FMO5: variants seen among roughly 807,000 people sequenced by gnomAD.
FMO5 encodes the protein flavin-containing monooxygenase 5.
FMO5 carries 51 observed loss-of-function variants against 43.6 expected under a neutral mutation model. The observed-to-expected ratio is 1.17, with a 90% confidence interval of 0.93 to 1.48. The LOEUF is 1.48. Among genes scored for constraint, FMO5 ranks in the 40% most tolerant of loss-of-function variants. The pLI, the probability that FMO5 is intolerant of heterozygous loss-of-function variation, is 0.00. For missense variants in FMO5, 644 were observed against 643.0 expected (o/e 1.00, Z -0.02); for synonymous variants, 187 against 216.5 (o/e 0.86, Z 1.20).
At chr1:147,205,269 C>G (rs187772679) in intron 6 of FMO5, among the ~76,000 whole-genome samples, 2 of 151,972 alleles carry the variant, frequency 1.3e-5, no homozygotes, top group African/African-American at 4.8e-5. Flanking sequence ...CAAATGTCAC[C>G]CCACTGATTA....
intron 6 of FMO5, among the ~76,000 whole-genome samples, chr1:147,206,657 G>A (rs148149685): frequency 0.038 from 5,773 of 152,076 alleles, 154 homozygotes; most frequent in South Asian, 0.096. Flanking sequence ...GCAAACTATC[G>A]CAAGGACAAA....
At chr1:147,192,987 C>G (rs1417072377) in intron 7 of FMO5, among the ~76,000 whole-genome samples, 3 of 152,126 alleles carry the variant, frequency 2.0e-5, no homozygotes, top group Non-Finnish European at 2.9e-5. Context: ...TGTTGTGTCT[C>G]TGCCAGGCTT....
In FMO5 at chr1:147,213,471, C is replaced by T; in HGVS notation, c.325-1G>A. On this transcript the variant is annotated splice_acceptor_variant, in intron 3 of 8. Coordinates refer to ENST00000254090, the MANE Select transcript of FMO5 (RefSeq NM_001461.4). LOFTEE classifies it high-confidence loss of function. ...GCTTCTTCACACTGCACACAGTGGT[C>T]TGAAAAGAAAAGTGATAACCACAGG... is the stretch of plus-strand genomic sequence containing the variant. 3 of 1,597,696 alleles carry T rather than the reference C, an allele frequency of 1.9e-6. No individual in the cohort carries two copies. Among genetic ancestry groups the T allele is most frequent in the Non-Finnish European group, 2.6e-6 (3 of 1,172,224 alleles).
At chr1:147,203,155 C>A in intron 6 of FMO5, 2 of 505,514 alleles carry the variant, frequency 4.0e-6, no homozygotes, top group Non-Finnish European at 6.9e-6. Flanking sequence ...ATTATAACAT[C>A]CAGCCAAGAA....
rs1214048942 is a variant in FMO5 at position 147,204,936 on chromosome 1, C to A, written c.831-3432G>T. On this transcript the variant is annotated intron_variant, in intron 6 of 8. Transcript: ENST00000254090. ...CCTTGGGAACTTGAAGCGCCATGGC[C>A]AGCCTGCAGGAAGCCGTTCACGTGA... is the stretch of plus-strand genomic sequence containing the variant. 5.8e-6 allele frequency: 9 copies of A among 1,548,466 alleles called. No individual in the cohort carries two copies. The African/African-American group carries it at 1.2e-4, about 21-fold the overall frequency.
At chr1:147,204,690 A>G in intron 6 of FMO5, 1 of 1,561,982 alleles carries the variant, frequency 6.4e-7, no homozygotes, top group African/African-American at 1.3e-5. Context: ...TTTTTGCAGC[A>G]GGATGCTGTA....
intron 8 of FMO5, among the ~76,000 whole-genome samples, chr1:147,188,786 T>C (rs1656123491): frequency 6.6e-6 from 1 of 151,076 alleles, no homozygotes; most frequent in Non-Finnish European, 1.5e-5. Flanking sequence ...GGTTACATTA[T>C]ATCCTTGGGT....
At chr1:147,201,017 T>C in intron 7 of FMO5, 135 bp downstream of exon 7, 1 of 670,408 alleles carries the variant, frequency 1.5e-6, no homozygotes, top group Non-Finnish European at 2.5e-6. Context: ...CTCAAAAATA[T>C]ATTTTTCTGT....
intron 8 of FMO5, among the ~76,000 whole-genome samples, chr1:147,189,307 G>T (rs1185386457): frequency 6.6e-6 from 1 of 151,358 alleles, no homozygotes; most frequent in African/African-American, 2.4e-5. Context: ...AGTAAGGATG[G>T]AAGTTAACAA....
At chr1:147,196,594 A>T (rs6593744) in intron 7 of FMO5, among the ~76,000 whole-genome samples, 5,743 of 152,138 alleles carry the variant, frequency 0.038, 121 homozygotes, top group African/African-American at 0.05. Flanking sequence ...GAAAAAATTT[A>T]AAAAAATTAA....
At chr1:147,226,922 T>C (rs1664020686), upstream of FMO5, among the ~76,000 whole-genome samples, 2 of 152,030 alleles carry the variant, frequency 1.3e-5, no homozygotes, top group Admixed American at 1.3e-4. Flanking sequence ...AGCCTCTATC[T>C]CCTGGGCTCA....
intron 2 of FMO5, 74 bp downstream of exon 2, chr1:147,224,821 G>A (rs199854177): frequency 6.7e-7 from 1 of 1,484,348 alleles, no homozygotes; most frequent in Non-Finnish European, 9.4e-7. Flanking sequence ...ACCTGACACT[G>A]TTAAGATAAA....
At chr1:147,219,584 G>GTCC (rs1244964023) in intron 2 of FMO5, among the ~76,000 whole-genome samples, 11 of 152,006 alleles carry the variant, frequency 7.2e-5, no homozygotes, top group Non-Finnish European at 1.5e-5. Flanking sequence ...AGGTAAGGAT[G>GTCC]TCCTCTCTCA....
At chr1:147,200,602 T>TC (rs1658808084) in intron 7 of FMO5, among the ~76,000 whole-genome samples, 1 of 151,458 alleles carries the variant, frequency 6.6e-6, no homozygotes, top group East Asian at 1.9e-4. Flanking sequence ...CCTTTTTTTT[T>TC]CATATATTCC....
intron 6 of FMO5, chr1:147,204,790 C>A: frequency 6.3e-7 from 1 of 1,588,284 alleles, no homozygotes; most frequent in Non-Finnish European, 8.6e-7. Flanking sequence ...TCCATTTCGT[C>A]CATATGCTGT....
At chr1:147,187,332 G>C (rs1399614772) in intron 8 of FMO5, 87 bp from the exon 9 acceptor site, 1 of 900,328 alleles carries the variant, frequency 1.1e-6, no homozygotes, top group Non-Finnish European at 1.7e-6. Context: ...CCTGCTATTG[G>C]CTCAATATCA....
At chr1:147,226,679 A>G (rs1473876866), upstream of FMO5, among the ~76,000 whole-genome samples, 1 of 151,898 alleles carries the variant, frequency 6.6e-6, no homozygotes, top group Non-Finnish European at 1.5e-5. Flanking sequence ...TCCTTCTACC[A>G]CTCCCTGAGT....
intron 8 of FMO5, among the ~76,000 whole-genome samples, 196 bp downstream of exon 8, chr1:147,189,981 T>G (rs1372503141): frequency 3.3e-5 from 5 of 152,164 alleles, no homozygotes; most frequent in African/African-American, 1.2e-4. Context: ...CTAAAACTTT[T>G]CTCTCTTTTC....
rs1655676832 is a variant in FMO5, at chr1:147,186,734, G to A, written c.*166C>T. On this transcript the variant is annotated 3_prime_UTR_variant, in exon 9 of 9. Coordinates refer to ENST00000254090, the MANE Select transcript of FMO5 (RefSeq NM_001461.4). ...GAAGGGAGATGAGTTAATACAAATGGAAAACAGGTTTCATTGTAGGAAAAA... is the reference window on the plus strand; with the variant it reads ...GAAGGGAGATGAGTTAATACAAATGAAAAACAGGTTTCATTGTAGGAAAAA... 1 of 1,432,092 alleles carries A rather than the reference G, an allele frequency of 7.0e-7. No homozygotes were observed. 88.7% of individuals were successfully genotyped at this position (1,432,092 alleles called of 1,614,324 possible).
Sources: gnomAD v4.1 joint callset for allele counts (sites outside exome capture counted in the v4.1 genomes callset) on GRCh38, gnomAD v4.1.1 for gene constraint, MANE v1.5 for transcripts, NCBI Gene and HGNC (gene_info 2026-07-23, HGNC 2026-07-21) for gene names.